KLRG1: variants seen among roughly 807,000 people sequenced by gnomAD.
KLRG1 encodes the protein killer cell lectin like receptor G1, also known as killer cell lectin-like receptor subfamily G member 1.
In KLRG1, 16 loss-of-function variants were observed where a neutral mutation model predicts 21.8. That is an observed-to-expected ratio of 0.73 (90% CI 0.50 to 1.11). The LOEUF (loss-of-function observed/expected upper bound fraction) is 1.11, where lower values mean the gene tolerates loss of function less well. KLRG1 is among the 50% of genes most tolerant of loss of function. The pLI is 0.00. For missense variants in KLRG1, 173 were observed against 218.3 expected (o/e 0.79, Z 1.31); for synonymous variants, 69 against 75.9 (o/e 0.91, Z 0.47).
chr12:9,205,563 T>A, the KLRG1 span, among the ~76,000 whole-genome samples: 1 of 152,172 alleles, frequency 6.6e-6, no homozygotes, highest in Non-Finnish European at 1.5e-5. Flanking sequence ...CCTGCCCCCA[T>A]GCCAAATCAG....
chr12:9,099,532 C>G, the KLRG1 span: 2 of 1,604,014 alleles, frequency 1.2e-6, no homozygotes, highest in Non-Finnish European at 1.7e-6. Flanking sequence ...CACTGGGGCA[C>G]AAAGAGAATG....
the KLRG1 span, among the ~76,000 whole-genome samples, chr12:9,125,093 T>C: frequency 6.6e-6 from 1 of 152,186 alleles, no homozygotes; most frequent in Non-Finnish European, 1.5e-5. Flanking sequence ...AACTACCCTC[T>C]CTGCTGAGAG....
upstream of KLRG1, among the ~76,000 whole-genome samples, chr12:8,986,626 C>T (rs2137308503): frequency 6.6e-6 from 1 of 151,854 alleles, no homozygotes; most frequent in South Asian, 2.1e-4. Context: ...CTGGAAGATC[C>T]TCCAAGCTTA....
chr12:9,059,387 T>C, the KLRG1 span, among the ~76,000 whole-genome samples: 1 of 152,228 alleles, frequency 6.6e-6, no homozygotes, highest in Non-Finnish European at 1.5e-5. Flanking sequence ...CTATATGAAT[T>C]CAATTTCCTT....
chr12:9,115,709 T>C, the KLRG1 span: 1 of 1,329,412 alleles, frequency 7.5e-7, no homozygotes. Context: ...AAGAAAAATC[T>C]GCAATAAATG....
the KLRG1 span, chr12:9,115,747 C>G: frequency 9.4e-6 from 15 of 1,597,998 alleles, no homozygotes; most frequent in Non-Finnish European, 1.2e-5. Context: ...GCTTCACGCT[C>G]TCTGTGTGGA....
chr12:9,078,581 G>T, the KLRG1 span, among the ~76,000 whole-genome samples: 2 of 152,126 alleles, frequency 1.3e-5, no homozygotes, highest in Admixed American at 1.3e-4. Context: ...AGGTCAAATG[G>T]TATTTCTGGT....
chr12:9,202,336 G>A, the KLRG1 span: 16 of 1,613,908 alleles, frequency 9.9e-6, no homozygotes, highest in African/African-American at 1.1e-4. Context: ...TTTCGAGGGC[G>A]AAAATTTTCA....
the KLRG1 span, among the ~76,000 whole-genome samples, chr12:9,198,395 T>C: frequency 3.9e-5 from 6 of 152,178 alleles, no homozygotes; most frequent in African/African-American, 9.7e-5. Flanking sequence ...ATCATTCTTC[T>C]TTATTTTGTT....
chr12:9,185,276 C>T, the KLRG1 span, among the ~76,000 whole-genome samples: 2 of 152,136 alleles, frequency 1.3e-5, no homozygotes, highest in Non-Finnish European at 2.9e-5. Context: ...ACAAGAATTT[C>T]GTAATGCAAT....
the KLRG1 span, among the ~76,000 whole-genome samples, chr12:9,185,796 T>TTTCTTTTCTTTTCTTTTCTC: frequency 1.4e-5 from 2 of 146,472 alleles, 1 homozygote; most frequent in East Asian, 3.9e-4. Context: ...CAACATTTCT[T>TTTCTTTTCTTTTCTTTTCTC]TTCTTTTCTT....
intron 1 of KLRG1, among the ~76,000 whole-genome samples, chr12:8,974,862 A>C (rs1042868254): frequency 6.6e-6 from 1 of 150,986 alleles, no homozygotes; most frequent in Non-Finnish European, 1.5e-5. Flanking sequence ...TGCTTGCCTC[A>C]TAATAATTAT....
the KLRG1 span, chr12:9,099,438 G>T: frequency 6.3e-7 from 1 of 1,597,934 alleles, no homozygotes; most frequent in Non-Finnish European, 8.5e-7. Context: ...TCACGTCCCC[G>T]GTAGGTAAAA....
At chr12:9,098,276 T>C in the KLRG1 span, 1 of 155,688 alleles carries the variant, frequency 6.4e-6, no homozygotes, top group East Asian at 1.9e-4. Flanking sequence ...TGAATTTGTA[T>C]TGCTATGTGC....
the KLRG1 span, chr12:9,181,274 T>C: frequency 9.3e-7 from 1 of 1,072,802 alleles, no homozygotes; most frequent in East Asian, 2.7e-5. Context: ...TTTACAACTT[T>C]CCTTCACTTT....
At chr12:9,214,670 T>C in the KLRG1 span, among the ~76,000 whole-genome samples, 1 of 152,050 alleles carries the variant, frequency 6.6e-6, no homozygotes, top group Non-Finnish European at 1.5e-5. Flanking sequence ...TACTTACCTT[T>C]TGTTGCAATG....
the KLRG1 span, among the ~76,000 whole-genome samples, chr12:9,050,981 G>A: frequency 1.8e-4 from 27 of 152,300 alleles, no homozygotes; most frequent in Middle Eastern, 3.4e-3. Flanking sequence ...GGAAGGGGGC[G>A]GGCCCCCAGT....
At chr12:9,152,166 G>A in the KLRG1 span, 1 of 1,242,354 alleles carries the variant, frequency 8.0e-7, no homozygotes, top group Non-Finnish European at 1.2e-6. Context: ...GTCTTAGTTT[G>A]GGGATACAGA....
the KLRG1 span, among the ~76,000 whole-genome samples, chr12:9,211,774 G>C: frequency 3.9e-5 from 6 of 152,208 alleles, no homozygotes; most frequent in Admixed American, 1.3e-4. Flanking sequence ...CCTCCTGTTG[G>C]GTTCCCAGGA....
Sources: allele counts gnomAD v4.1 joint callset (sites outside exome capture counted in the v4.1 genomes callset), GRCh38; gene constraint gnomAD v4.1.1; transcripts MANE v1.5; gene names NCBI Gene and HGNC (gene_info 2026-07-23, HGNC 2026-07-21).